The following JAZF1 variants were observed in gnomAD, a reference collection of about 807,000 sequenced individuals.
JAZF1 encodes JAZF zinc finger 1.
JAZF1 carries 8 observed loss-of-function variants against 26.4 expected under a neutral mutation model. That is an observed-to-expected ratio of 0.30 (90% CI 0.18 to 0.55). The LOEUF (loss-of-function observed/expected upper bound fraction) is 0.55, where lower values mean the gene tolerates loss of function less well. Among genes scored for constraint, JAZF1 ranks in the 20% least tolerant of loss-of-function variants. JAZF1 has a pLI of 0.94. For synonymous variants in JAZF1, 126 were observed against 122.3 expected (o/e 1.03, Z -0.20); for missense variants, 199 against 322.0 (o/e 0.62, Z 2.92).
intron 1 of JAZF1, among the ~76,000 whole-genome samples, chr7:28,060,866 T>A (rs559182108): frequency 1.3e-4 from 20 of 152,278 alleles, no homozygotes; most frequent in African/African-American, 4.6e-4. Context: ...TCTCTCTGGG[T>A]TTCCAAATTT....
Position 28,035,467 on chromosome 7 carries a change from G to A in JAZF1, c.116-43486C>T, listed in dbSNP as rs192115579. ...AACTTAAGAAATCTAAAGAGATAGA[G>A]AGTATCATCAAAAATAAATTTTTCA... On this transcript the variant is annotated intron_variant, in intron 1 of 4. Transcript: ENST00000283928. 6.4e-3 allele frequency among the ~76,000 whole-genome samples: 962 copies of A among 151,410 alleles called. 9 individuals carry two copies. Among genetic ancestry groups the A allele is most frequent in the Non-Finnish European group, 0.01 (711 of 67,924 alleles).
intron 1 of JAZF1, among the ~76,000 whole-genome samples, chr7:28,120,898 G>A (rs1447387970): frequency 5.3e-5 from 8 of 151,952 alleles, no homozygotes; most frequent in Non-Finnish European, 8.8e-5. Context: ...TTACCCCCAC[G>A]CCTTGAAATC....
At chr7:27,854,029 A>G (rs1290762288) in intron 3 of JAZF1, among the ~76,000 whole-genome samples, 3 of 151,056 alleles carry the variant, frequency 2.0e-5, no homozygotes, top group East Asian at 4.0e-4. Context: ...GTCTCTAAGA[A>G]TTTGCTTTAT....
intron 2 of JAZF1, among the ~76,000 whole-genome samples, chr7:27,948,360 G>A (rs753340803): frequency 6.6e-6 from 1 of 152,166 alleles, no homozygotes; most frequent in Non-Finnish European, 1.5e-5. Context: ...CAGAGGGGCA[G>A]CTGTTGTATC....
rs78856909 is a variant in JAZF1 at position 28,114,668 on chromosome 7, C to G, written c.115+65795G>C. On this transcript the variant is annotated intron_variant, in intron 1 of 4. Coordinates refer to ENST00000283928, the MANE Select transcript of JAZF1 (RefSeq NM_175061.4). Reference sequence around the variant, plus strand: ...TCAGGTCTGGAAATACAAAAAGGAACATGACATGGGTTCTGCCCTTGAGGT... The same window carrying G: ...TCAGGTCTGGAAATACAAAAAGGAAGATGACATGGGTTCTGCCCTTGAGGT... Among the ~76,000 whole-genome samples the G allele has an allele frequency of 5.6e-3, 840 of 148,684 alleles. 2 individuals are homozygous for G. Among genetic ancestry groups the G allele is most frequent in the Middle Eastern group, 0.014 (4 of 288 alleles).
At chr7:27,925,626 T>C (rs1453528533) in intron 2 of JAZF1, among the ~76,000 whole-genome samples, 1 of 152,124 alleles carries the variant, frequency 6.6e-6, no homozygotes, top group East Asian at 1.9e-4. Flanking sequence ...AGGCTCTTGC[T>C]ATGTTGCCCA....
At chr7:28,012,448 A>G (rs953249241) in intron 1 of JAZF1, among the ~76,000 whole-genome samples, 3 of 152,252 alleles carry the variant, frequency 2.0e-5, no homozygotes, top group Non-Finnish European at 4.4e-5. Flanking sequence ...TTAAAAAACA[A>G]AACCAAAAAA....
At chr7:27,993,241 T>C (rs1283832936) in intron 1 of JAZF1, among the ~76,000 whole-genome samples, 1 of 152,188 alleles carries the variant, frequency 6.6e-6, no homozygotes, top group African/African-American at 2.4e-5. Flanking sequence ...AGCCAAATTC[T>C]GAAACAAGAG....
At chr7:27,839,825 C>CT (rs372716809) in intron 4 of JAZF1, among the ~76,000 whole-genome samples, 15 of 151,550 alleles carry the variant, frequency 9.9e-5, no homozygotes, top group Non-Finnish European at 1.8e-4. Flanking sequence ...CTTATGCTAT[C>CT]TTTTTTTTTA....
intron 3 of JAZF1, among the ~76,000 whole-genome samples, chr7:27,850,081 C>A (rs188616031): frequency 4.6e-5 from 7 of 152,274 alleles, no homozygotes; most frequent in African/African-American, 1.7e-4. Flanking sequence ...TAATGTATAT[C>A]ATTAATATTC....
intron 1 of JAZF1, among the ~76,000 whole-genome samples, chr7:28,085,068 G>T (rs1413638960): frequency 6.6e-6 from 1 of 152,102 alleles, no homozygotes; most frequent in Non-Finnish European, 1.5e-5. Context: ...TCCATAACTG[G>T]AAGAAATAAA....
chr7:27,944,979 G>A (rs1390621267), intron 2 of JAZF1, among the ~76,000 whole-genome samples: 2 of 151,946 alleles, frequency 1.3e-5, no homozygotes, highest in African/African-American at 2.4e-5. Flanking sequence ...AATACATTTC[G>A]GAGTTCGAGA....
At chr7:28,061,792 A>G (rs1452137576) in intron 1 of JAZF1, among the ~76,000 whole-genome samples, 1 of 152,244 alleles carries the variant, frequency 6.6e-6, no homozygotes, top group East Asian at 1.9e-4. Context: ...AATCTGAAAG[A>G]GCTGGCTTTA....
intron 1 of JAZF1, among the ~76,000 whole-genome samples, chr7:28,097,530 A>G (rs1683298806): frequency 6.6e-6 from 1 of 152,220 alleles, no homozygotes; most frequent in Non-Finnish European, 1.5e-5. Flanking sequence ...AGTCACACAC[A>G]TTGATACAAT....
In JAZF1 at chr7:27,834,703, C is replaced by T. The variant is rs541439785; in HGVS notation, c.556-1727G>A. On this transcript the variant is annotated intron_variant, in intron 4 of 4. Transcript: ENST00000283928. ...CTGGCGGTTCCATCCCCTCCGAGGC[C>T]CAGGCACATGAGTGAAGAGGCCAAC... Among the ~76,000 whole-genome samples the T allele has an allele frequency of 7.2e-5, 11 of 152,282 alleles. No individual in the cohort carries two copies. In the East Asian group the frequency reaches 2.1e-3, roughly 29 times the overall value.
intron 1 of JAZF1, chr7:28,020,776 T>C (rs545422680): frequency 4.4e-6 from 2 of 457,420 alleles, no homozygotes; most frequent in Non-Finnish European, 4.6e-6. Context: ...TGAGCATCTC[T>C]TCTCCAGCAC....
chr7:27,944,162 C>T (rs11982766), intron 2 of JAZF1, among the ~76,000 whole-genome samples: 27,711 of 152,140 alleles, frequency 0.18, 3,218 homozygotes, highest in East Asian at 0.43. Flanking sequence ...CTGAACACTA[C>T]TACAAAAGGA....
intron 3 of JAZF1, among the ~76,000 whole-genome samples, chr7:27,845,134 T>C (rs1373808798): frequency 6.6e-6 from 1 of 152,164 alleles, no homozygotes; most frequent in Non-Finnish European, 1.5e-5. Context: ...ATTTCCTCTG[T>C]GTAAAAGAGA....
intron 1 of JAZF1, among the ~76,000 whole-genome samples, chr7:28,087,495 A>T (rs75203647): frequency 0.029 from 4,309 of 149,600 alleles, 264 homozygotes; most frequent in East Asian, 0.28. Flanking sequence ...AATAGGATTT[A>T]AAAAAAAATA....
Sources: allele counts gnomAD v4.1 joint callset (sites outside exome capture counted in the v4.1 genomes callset), GRCh38; gene constraint gnomAD v4.1.1; transcripts MANE v1.5; gene names NCBI Gene and HGNC (gene_info 2026-07-23, HGNC 2026-07-21).